Variants in MAD1L1 observed in about 807,000 individuals in gnomAD.
MAD1L1 encodes mitotic arrest deficient 1 like 1.
Under a neutral mutation model 96.9 loss-of-function variants are expected in MAD1L1, and 95 were observed. The ratio of observed to expected loss-of-function variants is 0.98; its 90% CI spans 0.83 to 1.16. The LOEUF is 1.16. Among genes scored for constraint, MAD1L1 ranks in the 50% most tolerant of loss-of-function variants. The pLI is 0.00. For synonymous variants in MAD1L1, 473 were observed against 396.6 expected (o/e 1.19, Z -2.29); for missense variants, 1,007 against 954.4 (o/e 1.06, Z -0.73).
At chr7:2,217,440 G>A (rs1793351025) in intron 7 of MAD1L1, among the ~76,000 whole-genome samples, 1 of 152,254 alleles carries the variant, frequency 6.6e-6, no homozygotes, top group African/African-American at 2.4e-5. Flanking sequence ...GGAAGAGCTG[G>A]TGTGAAGCCT....
chr7:2,015,975 C>T (rs918082309), intron 12 of MAD1L1, among the ~76,000 whole-genome samples: 2 of 152,166 alleles, frequency 1.3e-5, no homozygotes, highest in Non-Finnish European at 2.9e-5. Context: ...CAGGAAGAAG[C>T]GGATGGGTAT....
intron 13 of MAD1L1, among the ~76,000 whole-genome samples, chr7:2,005,326 A>T (rs1781984587): frequency 6.6e-6 from 1 of 152,186 alleles, no homozygotes; most frequent in African/African-American, 2.4e-5. Flanking sequence ...TGACCCAGGA[A>T]GTTCTGTGTC....
At chr7:1,960,081 T>C (rs1198668008) in intron 15 of MAD1L1, among the ~76,000 whole-genome samples, 2 of 151,946 alleles carry the variant, frequency 1.3e-5, no homozygotes, top group African/African-American at 2.4e-5. Flanking sequence ...GATTATACTG[T>C]GTGTGAGAAG....
At chr7:1,987,810 T>C (rs1584006566) in intron 14 of MAD1L1, among the ~76,000 whole-genome samples, 1 of 152,044 alleles carries the variant, frequency 6.6e-6, no homozygotes, top group Non-Finnish European at 1.5e-5. Flanking sequence ...GGCAGCAGCG[T>C]TCTCAGAGGT....
intron 11 of MAD1L1, among the ~76,000 whole-genome samples, chr7:2,087,355 C>T (rs945421550): frequency 2.6e-5 from 4 of 152,168 alleles, no homozygotes; most frequent in Non-Finnish European, 4.4e-5. Context: ...GCCTGACCAA[C>T]ATGGCGAAAC....
chr7:2,131,302 C>T (rs1332527124), intron 11 of MAD1L1, among the ~76,000 whole-genome samples: 2 of 152,154 alleles, frequency 1.3e-5, no homozygotes, highest in African/African-American at 4.8e-5. Context: ...AGGCACAATC[C>T]CCCTCACTTC....
chr7:2,198,492 C>G (rs950759982), intron 10 of MAD1L1, among the ~76,000 whole-genome samples: 23 of 152,364 alleles, frequency 1.5e-4, no homozygotes, highest in African/African-American at 5.5e-4. Flanking sequence ...ACACACAACA[C>G]CAGGAGCGCT....
chr7:1,907,202 C>A (rs1294881422), intron 17 of MAD1L1, among the ~76,000 whole-genome samples: 1 of 152,224 alleles, frequency 6.6e-6, no homozygotes, highest in Non-Finnish European at 1.5e-5. Context: ...CACCGCCTTG[C>A]CCCTGTCCCA....
At chr7:2,098,526 C>A (rs1786615831) in intron 11 of MAD1L1, among the ~76,000 whole-genome samples, 1 of 152,214 alleles carries the variant, frequency 6.6e-6, no homozygotes, top group Admixed American at 6.5e-5. Flanking sequence ...GTCACCCAAG[C>A]CATCATGTGT....
chr7:2,192,352 G>A (rs545333770), intron 10 of MAD1L1, among the ~76,000 whole-genome samples: 3 of 152,030 alleles, frequency 2.0e-5, no homozygotes, highest in Admixed American at 1.3e-4. Flanking sequence ...GGCTGGTCTC[G>A]AACTTCTGAC....
intron 18 of MAD1L1, among the ~76,000 whole-genome samples, chr7:1,869,379 G>A (rs571750331): frequency 5.3e-5 from 8 of 152,206 alleles, no homozygotes; most frequent in South Asian, 2.1e-4. Flanking sequence ...AGGCTCTCAA[G>A]GGCAAGAACC....
intron 11 of MAD1L1, among the ~76,000 whole-genome samples, chr7:2,075,133 A>T (rs543903835): frequency 1.3e-5 from 2 of 152,250 alleles, no homozygotes; most frequent in South Asian, 4.2e-4. Context: ...GGTCCAGCAG[A>T]GGCAGCCCTG....
intron 10 of MAD1L1, among the ~76,000 whole-genome samples, chr7:2,174,920 G>A (rs987157431): frequency 6.6e-6 from 1 of 152,136 alleles, no homozygotes; most frequent in South Asian, 2.1e-4. Context: ...CTGAATGAGC[G>A]ACTGTGACGG....
intron 17 of MAD1L1, 84 bp from the exon 18 acceptor site, chr7:1,898,474 GC>G: frequency 8.2e-7 from 1 of 1,223,732 alleles, no homozygotes; most frequent in Non-Finnish European, 1.2e-6. Flanking sequence ...CAGGGAGGAA[GC>G]CGAGTACAGG....
chr7:2,082,428 G>T (rs1406095145), intron 11 of MAD1L1, among the ~76,000 whole-genome samples: 2 of 152,196 alleles, frequency 1.3e-5, no homozygotes, highest in Non-Finnish European at 2.9e-5. Context: ...CCAGAGGGAA[G>T]GAGCCGGGCC....
At chr7:2,055,699 C>A (rs1584206261) in intron 12 of MAD1L1, among the ~76,000 whole-genome samples, 2 of 148,732 alleles carry the variant, frequency 1.3e-5, no homozygotes, top group South Asian at 4.3e-4. Flanking sequence ...AAATCTAGGA[C>A]CAGGCACAGT....
At chr7:1,963,382 A>G (rs2128476196) in intron 15 of MAD1L1, among the ~76,000 whole-genome samples, 1 of 152,296 alleles carries the variant, frequency 6.6e-6, no homozygotes, top group South Asian at 2.1e-4. Flanking sequence ...CCGCCCGCCA[A>G]TCTACAGTGA....
At chr7:2,172,321 A>C (rs1219960984) in intron 10 of MAD1L1, among the ~76,000 whole-genome samples, 1 of 151,922 alleles carries the variant, frequency 6.6e-6, no homozygotes, top group African/African-American at 2.4e-5. Context: ...CCAAGATTAC[A>C]CCGCTGGGAA....
chr7:2,106,456 G>A (rs932648397), intron 11 of MAD1L1, among the ~76,000 whole-genome samples: 4 of 150,000 alleles, frequency 2.7e-5, no homozygotes, highest in Non-Finnish European at 5.9e-5. Flanking sequence ...TCCCACATGC[G>A]CTCCTGGAAA....
Sources: gnomAD v4.1 joint callset for allele counts (sites outside exome capture counted in the v4.1 genomes callset) on GRCh38, gnomAD v4.1.1 for gene constraint, MANE v1.5 for transcripts, NCBI Gene and HGNC (gene_info 2026-07-23, HGNC 2026-07-21) for gene names.